EPB41L4B: variants seen among roughly 807,000 people sequenced by gnomAD.
The protein encoded by EPB41L4B is erythrocyte membrane protein band 4.1 like 4B.
Under a neutral mutation model 112.5 loss-of-function variants are expected in EPB41L4B, and 30 were observed. That is an observed-to-expected ratio of 0.27 (90% CI 0.20 to 0.36). The LOEUF (loss-of-function observed/expected upper bound fraction) is 0.36, where lower values mean the gene tolerates loss of function less well. EPB41L4B is among the 10% of genes least tolerant of loss of function. The pLI is 1.00. For missense variants in EPB41L4B, 1,024 were observed against 1,133.3 expected (o/e 0.90, Z 1.38); for synonymous variants, 408 against 439.7 (o/e 0.93, Z 0.90).
At chr9:109,319,830 G>A (rs1837784078) in intron 1 of EPB41L4B, among the ~76,000 whole-genome samples, 1 of 152,112 alleles carries the variant, frequency 6.6e-6, no homozygotes, top group Admixed American at 6.5e-5. Flanking sequence ...GGGGGGCGGG[G>A]TCTCGGGACT....
chr9:109,273,583 G>A (rs1358074520), intron 2 of EPB41L4B, among the ~76,000 whole-genome samples: 3 of 152,092 alleles, frequency 2.0e-5, no homozygotes, highest in Non-Finnish European at 4.4e-5. Flanking sequence ...CATTTCTTTG[G>A]ACCACCATGC....
At chr9:109,185,452 C>A in intron 23 of EPB41L4B, 37 bp downstream of exon 23, 1 of 1,589,656 alleles carries the variant, frequency 6.3e-7, no homozygotes, top group Non-Finnish European at 8.6e-7. Context: ...CACCTCACCT[C>A]TCCTGGCCAG....
intron 15 of EPB41L4B, among the ~76,000 whole-genome samples, chr9:109,230,733 C>G (rs1470862904): frequency 6.6e-6 from 1 of 152,132 alleles, no homozygotes; most frequent in Non-Finnish European, 1.5e-5. Context: ...GTATCGACAT[C>G]TTAGAAGTGT....
At chr9:109,238,851 G>A (rs1157906115) in intron 15 of EPB41L4B, among the ~76,000 whole-genome samples, 1 of 152,230 alleles carries the variant, frequency 6.6e-6, no homozygotes, top group Non-Finnish European at 1.5e-5. Flanking sequence ...ACAGATGTGA[G>A]TAACAGCAGG....
Position 109,256,413 on chromosome 9 carries a change from C to T in EPB41L4B, c.820G>A (p.Val274Ile), listed in dbSNP as rs1341636968. ...NKAKWLEMYGVDMHVVRGRDG... is the reference protein window; with the variant it reads ...NKAKWLEMYGIDMHVVRGRDG... Reference sequence around the variant, plus strand: ...CTTACCCTGACAACGTGCATGTCTACCCCATACATTTCCAGCCACTTCGCT... The same window carrying T: ...CTTACCCTGACAACGTGCATGTCTATCCCATACATTTCCAGCCACTTCGCT... The change falls in exon 8 of 26, where the codon GTA becomes ATA. Residue 274 changes from valine to isoleucine, a missense_variant. Coordinates refer to ENST00000374566, the MANE Select transcript of EPB41L4B (RefSeq NM_019114.5). 6.2e-7 allele frequency: 1 copy of T among 1,614,238 alleles called. No individual in the cohort carries two copies.
In EPB41L4B at chr9:109,320,404, G is replaced by T; in HGVS notation, c.43C>A (p.Gln15Lys). The T allele has an allele frequency of 7.1e-6, 7 of 988,996 alleles. No homozygotes were observed. The highest frequency in any genetic ancestry group is 7.2e-6 in the Non-Finnish European group (6 of 833,948). 61.3% of individuals were successfully genotyped at this position (988,996 alleles called of 1,614,324 possible). A position where few individuals can be genotyped will look rare whatever the true frequency, so the allele number is the denominator to read the frequency against. ...LRRTFGRRSMQRYARGAAGRG... is the reference protein window; with the variant it reads ...LRRTFGRRSMKRYARGAAGRG... The stretch of plus-strand genomic sequence containing the variant: ...CCCGCCGCGCCCCGCGCGTAGCGCT[G>T]CATGGAGCGGCGGCCAAAGGTCCGG... Residue 15 changes from glutamine to lysine, a missense_variant, in exon 1 of 26, where the codon CAG becomes AAG. Transcript: ENST00000374566.
In EPB41L4B at chr9:109,264,992, A is replaced by G; in HGVS notation, c.566T>C (p.Ile189Thr). The G allele has an allele frequency of 6.2e-7, 1 of 1,608,096 alleles. No homozygotes were observed. The highest frequency in any genetic ancestry group is 8.5e-7 in the Non-Finnish European group (1 of 1,178,668). ...YLFVLQLRHD[I>T]LSGKLKCPYE... ...AAAACATACTTACTTTCCAGAAAGA[A>G]TGTCATGCCTGAGTTGTAAAACAAA... Residue 189 changes from isoleucine (I) to threonine (T), a missense_variant, in exon 5 of 26, where the codon ATT becomes ACT. By Grantham distance (89) the Ile-to-Thr change is moderately conservative. Coordinates refer to ENST00000374566, the MANE Select transcript of EPB41L4B (RefSeq NM_019114.5).
At chr9:109,182,152 T>C (rs1023905866) in intron 24 of EPB41L4B, among the ~76,000 whole-genome samples, 1 of 152,176 alleles carries the variant, frequency 6.6e-6, no homozygotes, top group African/African-American at 2.4e-5. Flanking sequence ...GAGGTTGAAG[T>C]GAGCCGAGAT....
intron 1 of EPB41L4B, among the ~76,000 whole-genome samples, chr9:109,293,159 G>C (rs1407076787): frequency 6.6e-6 from 1 of 152,184 alleles, no homozygotes; most frequent in Non-Finnish European, 1.5e-5. Flanking sequence ...ACTAAGCACT[G>C]GGGGAGTGTG....
At chr9:109,253,075 T>C (rs1834853415) in intron 12 of EPB41L4B, among the ~76,000 whole-genome samples, 2 of 152,204 alleles carry the variant, frequency 1.3e-5, no homozygotes, top group Non-Finnish European at 2.9e-5. Flanking sequence ...GGGCCTGATG[T>C]CCACACTTAA....
rs770492105 is a variant in EPB41L4B at position 109,182,783 on chromosome 9, C to G, written c.2433G>C (p.Pro811=). The G allele has an allele frequency of 6.2e-7, 1 of 1,611,758 alleles. No individual in the cohort carries two copies. The highest frequency in any genetic ancestry group is 8.5e-7 in the Non-Finnish European group (1 of 1,177,852). The stretch of plus-strand genomic sequence containing the variant: ...CAGGAAACGGGTTCATTGTATCAAC[C>G]GGGAATGTTTTTATCTTCAAAAGAG... ...PIKTRLIKTF[P]VDTMNPFPDT... is the part of the protein sequence containing the mutation. Residue 811 remains proline (P), a synonymous_variant, in exon 24 of 26, where the codon CCG becomes CCC. Transcript: ENST00000374566.
At chr9:109,186,767 T>A (rs1428062421) in intron 22 of EPB41L4B, among the ~76,000 whole-genome samples, 4 of 152,268 alleles carry the variant, frequency 2.6e-5, no homozygotes, top group Middle Eastern at 3.4e-3. Context: ...ACAGGCATGA[T>A]CCATTGTGCC....
chr9:109,207,810 C>A, intron 18 of EPB41L4B, 114 bp downstream of exon 18: 7 of 1,353,910 alleles, frequency 5.2e-6, no homozygotes, highest in Non-Finnish European at 7.1e-6. Flanking sequence ...GTTCTCATCT[C>A]CTGACTGGAC....
intron 22 of EPB41L4B, among the ~76,000 whole-genome samples, chr9:109,190,305 T>C (rs1588123454): frequency 6.6e-6 from 1 of 152,062 alleles, no homozygotes; most frequent in South Asian, 2.1e-4. Flanking sequence ...CAAGGAGGGG[T>C]AATTCACTGC....
At chr9:109,186,283 G>A (rs144027909) in intron 22 of EPB41L4B, among the ~76,000 whole-genome samples, 25 of 151,950 alleles carry the variant, frequency 1.6e-4, no homozygotes, top group African/African-American at 6.0e-4. Context: ...TGCCTCTCAG[G>A]TTCAAGTGAT....
At chr9:109,238,037 A>AGACCACT (rs1176843655) in intron 15 of EPB41L4B, among the ~76,000 whole-genome samples, 1 of 152,120 alleles carries the variant, frequency 6.6e-6, no homozygotes, top group African/African-American at 2.4e-5. Context: ...GAGAGGCAAG[A>AGACCACT]GACCACTGTG....
intron 25 of EPB41L4B, among the ~76,000 whole-genome samples, chr9:109,176,057 C>T (rs1301950454): frequency 1.9e-5 from 1 of 53,358 alleles, no homozygotes; most frequent in East Asian, 2.7e-4. Flanking sequence ...CACGCACACA[C>T]ACACACACAC....
At chr9:109,241,795 TCCTGAAAGGATGGC>T in intron 15 of EPB41L4B, 2 of 1,614,156 alleles carry the variant, frequency 1.2e-6, no homozygotes, top group Non-Finnish European at 1.7e-6. Context: ...CGACCTGTCA[TCCTGAAAGGATGGC>T]CTGTTTTGTT....
At chr9:109,318,709 A>C (rs1238463643) in intron 1 of EPB41L4B, among the ~76,000 whole-genome samples, 1 of 152,170 alleles carries the variant, frequency 6.6e-6, no homozygotes, top group Non-Finnish European at 1.5e-5. Context: ...GTTGGGGAAC[A>C]GTAACATTTT....
Sources: allele counts gnomAD v4.1 joint callset (sites outside exome capture counted in the v4.1 genomes callset), GRCh38; gene constraint gnomAD v4.1.1; transcripts MANE v1.5; gene names NCBI Gene and HGNC (gene_info 2026-07-23, HGNC 2026-07-21).